Variants in TENM3 observed in about 807,000 individuals in gnomAD.
TENM3 encodes the protein teneurin-3.
TENM3 carries 63 observed loss-of-function variants against 255.1 expected under a neutral mutation model. That is an observed-to-expected ratio of 0.25 (90% CI 0.20 to 0.30). The LOEUF is 0.30. TENM3 is among the 10% of genes least tolerant of loss of function. The pLI, the probability that TENM3 is intolerant of heterozygous loss-of-function variation, is 1.00. For missense variants in TENM3, 2,929 were observed against 3,461.1 expected, an observed-to-expected ratio of 0.85 and a Z score of 3.86; for synonymous variants, 1,306 against 1,322.3, an observed-to-expected ratio of 0.99 and a Z score of 0.27.
intron 5 of TENM3, among the ~76,000 whole-genome samples, chr4:182,634,108 T>A (rs1321945305): frequency 6.6e-6 from 1 of 152,214 alleles, no homozygotes; most frequent in Non-Finnish European, 1.5e-5. Context: ...TAGGAAATGC[T>A]GTCACGTGTC....
At chr4:182,702,747 T>TTC (rs1757974949) in intron 12 of TENM3, among the ~76,000 whole-genome samples, 1 of 151,756 alleles carries the variant, frequency 6.6e-6, no homozygotes, top group African/African-American at 2.4e-5. Context: ...TTTTTTTTTT[T>TTC]CTTTTTTTGA....
chr4:181,859,760 A>C, the TENM3 span, among the ~76,000 whole-genome samples: 5 of 152,168 alleles, frequency 3.3e-5, no homozygotes, highest in African/African-American at 1.2e-4. Flanking sequence ...GTTTTATCTT[A>C]ATTGATCATA....
intron 2 of TENM3, among the ~76,000 whole-genome samples, chr4:182,333,793 T>A (rs939002891): frequency 1.3e-5 from 2 of 152,234 alleles, no homozygotes; most frequent in Non-Finnish European, 2.9e-5. Flanking sequence ...GTTAAAGATA[T>A]GGTTGTATGC....
chr4:182,776,024 T>C (rs1034383464), intron 24 of TENM3, among the ~76,000 whole-genome samples: 1 of 152,118 alleles, frequency 6.6e-6, no homozygotes, highest in Non-Finnish European at 1.5e-5. Flanking sequence ...ATAGGAGATA[T>C]ATATATAGCT....
At chr4:182,290,821 G>C (rs1331561512) in intron 1 of TENM3, among the ~76,000 whole-genome samples, 1 of 145,020 alleles carries the variant, frequency 6.9e-6, no homozygotes, top group Non-Finnish European at 1.5e-5. Flanking sequence ...TTTTAAATAG[G>C]AGGTTTTGTT....
At chr4:182,291,718 A>T (rs1408886755) in intron 1 of TENM3, among the ~76,000 whole-genome samples, 1 of 152,096 alleles carries the variant, frequency 6.6e-6, no homozygotes, top group Non-Finnish European at 1.5e-5. Context: ...GTCCCTCCTC[A>T]TGGTGTCTTC....
intron 3 of TENM3, among the ~76,000 whole-genome samples, chr4:182,420,252 C>G (rs1157970920): frequency 6.6e-6 from 1 of 151,968 alleles, no homozygotes; most frequent in Admixed American, 6.6e-5. Flanking sequence ...AGTTATAAGA[C>G]AGATGAAAAT....
chr4:182,270,888 C>G (rs1282232761), intron 1 of TENM3, among the ~76,000 whole-genome samples: 1 of 152,092 alleles, frequency 6.6e-6, no homozygotes, highest in Non-Finnish European at 1.5e-5. Flanking sequence ...ATGAAATCCC[C>G]CTGAAAATCG....
intron 7 of TENM3, among the ~76,000 whole-genome samples, chr4:182,674,801 C>A (rs1755527044): frequency 6.6e-6 from 1 of 152,112 alleles, no homozygotes; most frequent in Non-Finnish European, 1.5e-5. Flanking sequence ...CTCTTGAACT[C>A]CTGGGCTCAA....
intron 3 of TENM3, among the ~76,000 whole-genome samples, chr4:182,433,170 G>T (rs912777163): frequency 6.6e-6 from 1 of 152,164 alleles, no homozygotes; most frequent in African/African-American, 2.4e-5. Flanking sequence ...AGGGCCTGTG[G>T]ATAGATTTCG....
intron 3 of TENM3, among the ~76,000 whole-genome samples, chr4:182,404,932 G>A (rs992668708): frequency 2.0e-5 from 3 of 152,152 alleles, no homozygotes; most frequent in South Asian, 4.2e-4. Flanking sequence ...CGGTCACAGC[G>A]CTGACTCTCT....
chr4:182,217,862 A>C (rs1419404566), intron 1 of TENM3, among the ~76,000 whole-genome samples: 1 of 152,232 alleles, frequency 6.6e-6, no homozygotes, highest in East Asian at 1.9e-4. Context: ...AAGCCCCATA[A>C]AAAGAAAGGT....
At chr4:181,641,775 TACAC>T in the TENM3 span, among the ~76,000 whole-genome samples, 1 of 106,704 alleles carries the variant, frequency 9.4e-6, no homozygotes, top group Non-Finnish European at 1.8e-5. Context: ...TATATATACA[TACAC>T]ACACCATATA....
At chr4:182,215,423 G>A (rs1375158658) in intron 1 of TENM3, among the ~76,000 whole-genome samples, 1 of 152,152 alleles carries the variant, frequency 6.6e-6, no homozygotes, top group Admixed American at 6.5e-5. Context: ...AGATGGAGGT[G>A]TTTTGTTGAG....
chr4:182,378,201 A>C (rs541821160), intron 3 of TENM3, among the ~76,000 whole-genome samples: 2 of 152,320 alleles, frequency 1.3e-5, no homozygotes, highest in South Asian at 4.1e-4. Flanking sequence ...AAATAAGGAA[A>C]CCAACATACA....
Position 182,522,622 on chromosome 4 carries a change from T to C in TENM3, c.512-78302T>C, listed in dbSNP as rs184218422. Among the ~76,000 whole-genome samples the C allele has an allele frequency of 3.2e-3, 483 of 152,372 alleles. 2 individuals carry two copies. Among genetic ancestry groups the C allele is most frequent in the Middle Eastern group, 0.024 (7 of 294 alleles). ...ATTTTACTTTAAGTTCTAGGATACA[T>C]GTGTAGAACATGCAGGTTGGTTACA... On this transcript the variant is annotated intron_variant, in intron 3 of 27. Coordinates refer to ENST00000511685, the MANE Select transcript of TENM3 (RefSeq NM_001080477.4).
intron 6 of TENM3, among the ~76,000 whole-genome samples, chr4:182,666,857 G>A (rs934544324): frequency 2.0e-5 from 3 of 151,908 alleles, no homozygotes; most frequent in African/African-American, 7.3e-5. Flanking sequence ...CCGAGATTGG[G>A]CCACTGCACT....
chr4:182,591,710 GA>G (rs765051683), intron 3 of TENM3, among the ~76,000 whole-genome samples: 3 of 152,064 alleles, frequency 2.0e-5, no homozygotes, highest in African/African-American at 7.2e-5. Context: ...GAGAATTCTA[GA>G]AAAAATAATG....
intron 13 of TENM3, among the ~76,000 whole-genome samples, chr4:182,728,764 T>C (rs1474351634): frequency 6.6e-6 from 1 of 152,146 alleles, no homozygotes. Context: ...CTTTTATATA[T>C]GGTCTGTCAT....
Sources: gnomAD v4.1 joint callset for allele counts (sites outside exome capture counted in the v4.1 genomes callset) on GRCh38, gnomAD v4.1.1 for gene constraint, MANE v1.5 for transcripts, NCBI Gene and HGNC (gene_info 2026-07-23, HGNC 2026-07-21) for gene names.